The following DCT variants were observed in gnomAD, a reference collection of about 807,000 sequenced individuals.
The protein encoded by DCT is L-dopachrome tautomerase.
A neutral mutation model predicts 53.0 loss-of-function variants in DCT; 47 were observed. That is an observed-to-expected ratio of 0.89 (90% confidence interval 0.70 to 1.13). The LOEUF (loss-of-function observed/expected upper bound fraction) is 1.13, where lower values mean the gene tolerates loss of function less well. DCT is among the 50% of genes most tolerant of loss of function. The pLI is 0.00. For synonymous variants in DCT, 244 were observed against 237.0 expected, an observed-to-expected ratio of 1.03 and a Z score of -0.27; for missense variants, 669 against 637.4, an observed-to-expected ratio of 1.05 and a Z score of -0.53.
At chr13:94,509,588 A>G in the DCT span, among the ~76,000 whole-genome samples, 3 of 152,202 alleles carry the variant, frequency 2.0e-5, no homozygotes, top group Non-Finnish European at 1.5e-5. Flanking sequence ...TGAGAAATAA[A>G]TCCTTGTCTT....
the DCT span, among the ~76,000 whole-genome samples, chr13:94,511,849 T>A: frequency 6.6e-6 from 1 of 151,598 alleles, no homozygotes; most frequent in East Asian, 1.9e-4. Context: ...TGTGTGTGTG[T>A]GTGTGTGTGT....
chr13:94,482,296 C>A (rs767649319), upstream of DCT, among the ~76,000 whole-genome samples: 1 of 152,158 alleles, frequency 6.6e-6, no homozygotes, highest in Non-Finnish European at 1.5e-5. Flanking sequence ...TTTTCCCTCG[C>A]CTGCCTCTCA....
the DCT span, among the ~76,000 whole-genome samples, chr13:94,530,407 C>T: frequency 3.6e-3 from 549 of 152,206 alleles, 1 homozygote; most frequent in Non-Finnish European, 4.0e-3. Context: ...ACTGGCAAAC[C>T]AAATCCAGCA....
chr13:94,500,701 T>C, the DCT span, among the ~76,000 whole-genome samples: 1 of 152,180 alleles, frequency 6.6e-6, no homozygotes, highest in Non-Finnish European at 1.5e-5. Context: ...GGATGAATAA[T>C]ATCCCATTGT....
At chr13:94,501,665 G>A in the DCT span, among the ~76,000 whole-genome samples, 1 of 151,800 alleles carries the variant, frequency 6.6e-6, no homozygotes, top group African/African-American at 2.4e-5. Context: ...AGGAGAGAGA[G>A]GAGAGAGAGA....
At chr13:94,515,276 C>G in the DCT span, among the ~76,000 whole-genome samples, 2 of 152,176 alleles carry the variant, frequency 1.3e-5, no homozygotes, top group Non-Finnish European at 2.9e-5. Context: ...AAGGGGGATA[C>G]AGAAGGCAGT....
chr13:94,465,971 TATATATATATATATATATATA>T (rs1884175669), intron 3 of DCT, among the ~76,000 whole-genome samples, 172 bp from the exon 4 acceptor site: 2 of 2,590 alleles, frequency 7.7e-4, no homozygotes, highest in Middle Eastern at 0.17. Context: ...GTATATTTTA[TATATATATATATATATATATA>T]TATATATATA....
chr13:94,437,319 CATTT>C lies in DCT; in HGVS notation c.*2575_*2578del. ...AGACAAACAATAATCTGCAAAACAA[CATTT>C]ATTTTTAGTTTCCTTTTTAGTAAGT... On this transcript the variant is annotated 3_prime_UTR_variant, in exon 8 of 8. Transcript: ENST00000377028. 6.6e-6 allele frequency: 1 copy of C among 152,044 alleles called. No individual in the cohort carries two copies. The highest frequency in any genetic ancestry group is 1.9e-4 in the East Asian group (1 of 5,196). The allele number at this position is 152,044 out of a possible 1,614,324, so 9.4% of individuals were successfully genotyped here.
chr13:94,461,994 A>G lies in DCT; in HGVS notation c.1043+16T>C. 1 of 1,610,250 alleles carries G rather than the reference A, an allele frequency of 6.2e-7. No individual in the cohort carries two copies. Among genetic ancestry groups the G allele is most frequent in the East Asian group, 2.2e-5 (1 of 44,820 alleles). On this transcript the variant is annotated intron_variant, in intron 5 of 7. Transcript: ENST00000377028. The stretch of plus-strand genomic sequence containing the variant: ...TGTACTGTACAGGCAGGTCCAGCAG[A>G]GCTCAGAGCACCCACCTGAAACTGA...
the DCT span, among the ~76,000 whole-genome samples, chr13:94,513,960 C>A: frequency 8.5e-6 from 1 of 118,038 alleles, no homozygotes; most frequent in Non-Finnish European, 1.6e-5. Flanking sequence ...GCACTCCAGT[C>A]TGGGCAACAA....
chr13:94,505,244 GT>G, the DCT span, among the ~76,000 whole-genome samples: 1 of 150,436 alleles, frequency 6.6e-6, no homozygotes, highest in South Asian at 2.1e-4. Context: ...ATCTTACTAG[GT>G]CTTAGATTTT....
At chr13:94,471,233 A>C (rs1309617180) in intron 1 of DCT, among the ~76,000 whole-genome samples, 1 of 152,218 alleles carries the variant, frequency 6.6e-6, no homozygotes, top group African/African-American at 2.4e-5. Context: ...CTGATAGTTA[A>C]AGAAAATTTC....
At chr13:94,522,754 G>A in the DCT span, among the ~76,000 whole-genome samples, 1 of 152,200 alleles carries the variant, frequency 6.6e-6, no homozygotes, top group African/African-American at 2.4e-5. Flanking sequence ...CTGGGTGACA[G>A]ATGTCATTTT....
the DCT span, among the ~76,000 whole-genome samples, chr13:94,522,114 ATAAT>A: frequency 6.6e-6 from 1 of 152,184 alleles, no homozygotes; most frequent in East Asian, 1.9e-4. Context: ...GCATGGTGTG[ATAAT>A]TAATACTGTC....
At chr13:94,462,398 G>C (rs543728850) in intron 4 of DCT, among the ~76,000 whole-genome samples, 1 of 151,742 alleles carries the variant, frequency 6.6e-6, no homozygotes, top group African/African-American at 2.4e-5. Flanking sequence ...TACTCAGGAG[G>C]CTAAGGCAGG....
chr13:94,462,245 C>A (rs554133160), intron 4 of DCT, 56 bp from the exon 5 acceptor site: 39 of 1,353,212 alleles, frequency 2.9e-5, no homozygotes, highest in Non-Finnish European at 3.9e-5. Flanking sequence ...CAGTGGCTCA[C>A]GTCTGTAATC....
chr13:94,528,083 T>G, the DCT span, among the ~76,000 whole-genome samples: 1 of 151,842 alleles, frequency 6.6e-6, no homozygotes, highest in Non-Finnish European at 1.5e-5. Flanking sequence ...AAGACAAGAT[T>G]AGAGAAAAAA....
the DCT span, among the ~76,000 whole-genome samples, chr13:94,509,866 C>T: frequency 2.6e-5 from 4 of 152,140 alleles, no homozygotes; most frequent in Non-Finnish European, 5.9e-5. Context: ...TCCACTGGGT[C>T]AGGAATCATG....
the DCT span, among the ~76,000 whole-genome samples, chr13:94,540,369 A>G: frequency 6.6e-6 from 1 of 152,220 alleles, no homozygotes; most frequent in Non-Finnish European, 1.5e-5. Context: ...TGAAAAGTAG[A>G]ATCAATAATT....
Sources: allele counts gnomAD v4.1 joint callset (sites outside exome capture counted in the v4.1 genomes callset), GRCh38; gene constraint gnomAD v4.1.1; transcripts MANE v1.5; gene names NCBI Gene and HGNC (gene_info 2026-07-23, HGNC 2026-07-21).